Variants in MTA3 observed in about 807,000 individuals in gnomAD.
MTA3 encodes metastasis associated 1 family member 3, also known as metastasis-associated protein MTA3.
Under a neutral mutation model 83.5 loss-of-function variants are expected in MTA3, and 34 were observed. That is an observed-to-expected ratio of 0.41 (90% CI 0.31 to 0.54). The LOEUF is 0.54. Ranked by LOEUF, MTA3 falls within the 20% of genes least tolerant of loss-of-function variation. MTA3 has a pLI of 0.33. For missense variants in MTA3, 761 were observed against 726.4 expected, an observed-to-expected ratio of 1.05 and a Z score of -0.55; for synonymous variants, 303 against 252.7, an observed-to-expected ratio of 1.20 and a Z score of -1.89.
chr2:42,570,025 T>C (rs544610447), intron 1 of MTA3: 1 of 152,934 alleles, frequency 6.5e-6, no homozygotes, highest in Admixed American at 6.5e-5. Flanking sequence ...CTGCTCTGAA[T>C]GTGTCTTAGG....
At chr2:42,648,109 G>A (rs1041417860) in intron 6 of MTA3, among the ~76,000 whole-genome samples, 2 of 152,206 alleles carry the variant, frequency 1.3e-5, no homozygotes, top group African/African-American at 4.8e-5. Context: ...CCAAGGTGCT[G>A]GGATTACAGG....
chr2:42,602,683 G>T (rs1178016728), intron 3 of MTA3, among the ~76,000 whole-genome samples: 1 of 152,162 alleles, frequency 6.6e-6, no homozygotes, highest in East Asian at 1.9e-4. Flanking sequence ...CTAAATGAGG[G>T]ATTTTGAGCT....
At chr2:42,532,748 TTTTA>T in intron 2 of MTA3, 1 of 233,834 alleles carries the variant, frequency 4.3e-6, no homozygotes, top group Non-Finnish European at 8.5e-6. Flanking sequence ...GTTTTTTTTT[TTTTA>T]AACACCTATT....
In MTA3 at chr2:42,720,366, A is replaced by G. The variant is rs113101861; in HGVS notation, c.1612+1292A>G. 3.1e-3 allele frequency among the ~76,000 whole-genome samples: 473 copies of G among 152,118 alleles called. 2 individuals carry two copies. The highest frequency in any genetic ancestry group is 0.011 in the African/African-American group (445 of 41,510). ...TCCAGCTAATTTTTGTATTTTTAGTAGAGACGGGGTTTCACCTTGTTAGCC... is the reference window on the plus strand; with the variant it reads ...TCCAGCTAATTTTTGTATTTTTAGTGGAGACGGGGTTTCACCTTGTTAGCC... On this transcript the variant is annotated intron_variant, in intron 15 of 16. Coordinates refer to ENST00000405094, the MANE Select transcript of MTA3 (RefSeq NM_001330442.2).
At chr2:42,680,801 G>A (rs535072450) in intron 8 of MTA3, among the ~76,000 whole-genome samples, 20 of 152,212 alleles carry the variant, frequency 1.3e-4, no homozygotes, top group African/African-American at 4.8e-4. Flanking sequence ...GCCCAGGCTG[G>A]GGTGCAGTGG....
chr2:42,696,198 A>T (rs1450293578), intron 10 of MTA3, among the ~76,000 whole-genome samples: 1 of 152,200 alleles, frequency 6.6e-6, no homozygotes, highest in Non-Finnish European at 1.5e-5. Context: ...ATTTAGACCA[A>T]TGTCATCAGC....
At position 42,517,573 on chromosome 2, in the gene MTA3, C is replaced by CA. The variant is rs70963320; in HGVS notation, c.-141+22337dup. 3.5e-3 allele frequency among the ~76,000 whole-genome samples: 348 copies of CA among 98,442 alleles called. 1 individual carries two copies. Among genetic ancestry groups the CA allele is most frequent in the East Asian group, 0.031 (100 of 3,234 alleles). 64.6% of individuals were successfully genotyped at this position (98,442 alleles called of 152,430 possible). ...TGGGGACAAGAGCAAAATTCCATCT[C>CA]AAAAAAAAAAAAAAAAAATTAGGCC... On this transcript the variant is annotated intron_variant, in intron 2 of 17. Transcript: ENST00000405592.
chr2:42,592,477 G>A (rs529224017), intron 3 of MTA3, among the ~76,000 whole-genome samples: 56 of 152,198 alleles, frequency 3.7e-4, no homozygotes, highest in Non-Finnish European at 6.2e-4. Context: ...CCAGCTACTC[G>A]GGAGGTTTAG....
intron 5 of MTA3, among the ~76,000 whole-genome samples, chr2:42,641,266 G>A (rs1687672441): frequency 6.8e-6 from 1 of 146,248 alleles, no homozygotes; most frequent in African/African-American, 2.5e-5. Context: ...TATCTCAAAT[G>A]AAGAAAATAT....
chr2:42,624,056 G>C (rs1312892044), intron 4 of MTA3, among the ~76,000 whole-genome samples: 3 of 152,212 alleles, frequency 2.0e-5, no homozygotes, highest in Admixed American at 2.0e-4. Context: ...GTAAAAGGGA[G>C]GAACAAACGC....
intron 2 of MTA3, among the ~76,000 whole-genome samples, chr2:42,528,095 T>G (rs1306727368): frequency 6.6e-6 from 1 of 151,828 alleles, no homozygotes; most frequent in Non-Finnish European, 1.5e-5. Flanking sequence ...CAGCTAATTT[T>G]TTTGTATTTT....
At chr2:42,678,164 G>A (rs994306976) in intron 8 of MTA3, among the ~76,000 whole-genome samples, 12 of 151,136 alleles carry the variant, frequency 7.9e-5, no homozygotes, top group African/African-American at 2.9e-4. Context: ...TTCAACCTCT[G>A]CTGCAGAAGA....
chr2:42,723,759 T>C (rs1244228874), intron 16 of MTA3, among the ~76,000 whole-genome samples: 1 of 152,250 alleles, frequency 6.6e-6, no homozygotes, highest in Non-Finnish European at 1.5e-5. Context: ...GGCATTTATT[T>C]ATGAATAAAA....
At chr2:42,748,633 AT>A in intron 16 of MTA3, among the ~76,000 whole-genome samples, 1 of 152,254 alleles carries the variant, frequency 6.6e-6, no homozygotes, top group Non-Finnish European at 1.5e-5. Flanking sequence ...TATAGTAAAT[AT>A]TTTAAGTCCA....
At chr2:42,641,735 G>A (rs138021565) in intron 5 of MTA3, among the ~76,000 whole-genome samples, 4,792 of 152,030 alleles carry the variant, frequency 0.032, 133 homozygotes, top group East Asian at 0.15. Context: ...GCGTGGTGGC[G>A]CATGCCTGTA....
intron 8 of MTA3, among the ~76,000 whole-genome samples, chr2:42,667,883 A>G (rs905019425): frequency 4.6e-5 from 7 of 152,206 alleles, no homozygotes; most frequent in African/African-American, 1.4e-4. Context: ...AGTTGCCTCT[A>G]TCTTTTGACT....
chr2:42,694,688 C>G (rs1693221535), intron 9 of MTA3, among the ~76,000 whole-genome samples: 1 of 152,192 alleles, frequency 6.6e-6, no homozygotes, highest in South Asian at 2.1e-4. Flanking sequence ...CTGTCTTCCT[C>G]AATGCCTCTT....
chr2:42,719,905 C>G (rs1030611995), intron 15 of MTA3, among the ~76,000 whole-genome samples: 14 of 152,098 alleles, frequency 9.2e-5, no homozygotes, highest in African/African-American at 2.9e-4. Flanking sequence ...TTTCACATAC[C>G]TAGAAGCAAG....
chr2:42,498,200 T>C (rs1172856550), intron 2 of MTA3, among the ~76,000 whole-genome samples: 1 of 152,244 alleles, frequency 6.6e-6, no homozygotes, highest in Non-Finnish European at 1.5e-5. Flanking sequence ...CATCAGTTTA[T>C]TTCTCAGCCT....
Sources: allele counts gnomAD v4.1 joint callset (sites outside exome capture counted in the v4.1 genomes callset), GRCh38; gene constraint gnomAD v4.1.1; transcripts MANE v1.5; gene names NCBI Gene and HGNC (gene_info 2026-07-23, HGNC 2026-07-21).